The following VAV2 variants were observed in gnomAD, a reference collection of about 807,000 sequenced individuals.
VAV2 encodes the protein vav guanine nucleotide exchange factor 2, also known as guanine nucleotide exchange factor VAV2.
VAV2 carries 67 observed loss-of-function variants against 132.5 expected under a neutral mutation model. The ratio of observed to expected loss-of-function variants is 0.51; its 90% CI spans 0.42 to 0.62. VAV2 has a LOEUF of 0.62. VAV2 is among the 20% of genes least tolerant of loss of function. The pLI is 0.00. For synonymous variants in VAV2, 492 were observed against 443.5 expected (o/e 1.11, Z -1.37); for missense variants, 938 against 1,153.6 (o/e 0.81, Z 2.71).
chr9:133,917,481 T>C (rs1027281011), intron 2 of VAV2, among the ~76,000 whole-genome samples: 2 of 147,584 alleles, frequency 1.4e-5, no homozygotes, highest in Admixed American at 6.7e-5. Context: ...TATTTGTTTA[T>C]CGTTTCTAGT....
chr9:133,871,470 ATGGATGGATGGATG>A (rs1838048030), intron 2 of VAV2, among the ~76,000 whole-genome samples: 5 of 45,964 alleles, frequency 1.1e-4, no homozygotes, highest in East Asian at 1.2e-3. Context: ...GGAGAAGCGG[ATGGATGGATGGATG>A]GATGGATGGA....
At chr9:133,774,048 C>T (rs138344436) in intron 25 of VAV2, among the ~76,000 whole-genome samples, 4 of 152,290 alleles carry the variant, frequency 2.6e-5, no homozygotes, top group East Asian at 1.9e-4. Context: ...ATTATGTGGC[C>T]GATGACTGTA....
In VAV2 at chr9:133,880,694, A is replaced by T. The variant is rs368799055; in HGVS notation, c.322-19262T>A. ...AGTGACAATGTGTCCACACTGGTTCATTCATTGTAACCAAAGCACCAACTA... is the reference window on the plus strand; with the variant it reads ...AGTGACAATGTGTCCACACTGGTTCTTTCATTGTAACCAAAGCACCAACTA... On this transcript the variant is annotated intron_variant, in intron 2 of 29. Transcript: ENST00000371850. Among the ~76,000 whole-genome samples, 43 of 152,356 alleles carry T rather than the reference A, an allele frequency of 2.8e-4. 1 individual carries two copies. The South Asian group carries it at 8.3e-3, about 29-fold the overall frequency.
chr9:133,976,107 A>T (rs2492064), intron 1 of VAV2, among the ~76,000 whole-genome samples: 139,476 of 151,696 alleles, frequency 0.92, 64,177 homozygotes, highest in East Asian at 1. Context: ...CTCGGGAGGC[A>T]GAGGCAGAGA....
Position 133,939,222 on chromosome 9 carries a change from A to G in VAV2, c.205-3T>C. On this transcript the variant is annotated splice_region_variant and splice_polypyrimidine_tract_variant and intron_variant, in intron 1 of 29. Transcript: ENST00000371850. ...CGTATGTTCTTCAAACACAGAAACT[A>G]AAGGGAAAAAACAAAGGGAGGGCAA... 1 of 1,613,630 alleles carries G rather than the reference A, an allele frequency of 6.2e-7. No homozygotes were observed. Among genetic ancestry groups the G allele is most frequent in the Non-Finnish European group, 8.5e-7 (1 of 1,179,510 alleles).
In VAV2 at chr9:133,792,278, G is replaced by GTGACTGT. The variant is rs1307864114; in HGVS notation, c.1102-410_1102-409insACAGTCA. Among the ~76,000 whole-genome samples, 2 of 124,804 alleles carry GTGACTGT rather than the reference G, an allele frequency of 1.6e-5. 1 individual carries two copies. The highest frequency in any genetic ancestry group is 1.7e-4 in the Admixed American group (2 of 11,952). 81.9% of individuals were successfully genotyped at this position (124,804 alleles called of 152,430 possible). A position where few individuals can be genotyped will look rare whatever the true frequency, so the allele number is the denominator to read the frequency against. On this transcript the variant is annotated intron_variant, in intron 12 of 29. Coordinates refer to ENST00000371850, the MANE Select transcript of VAV2 (RefSeq NM_001134398.2). The stretch of plus-strand genomic sequence containing the variant: ...GCGGGCTGTACTGGGTGGGGTGTGT[G>GTGACTGT]GTATGTGAGCGAGCTGTGCTGGGTG...
intron 1 of VAV2, among the ~76,000 whole-genome samples, chr9:133,943,715 C>T (rs1249596494): frequency 6.6e-6 from 1 of 152,212 alleles, no homozygotes; most frequent in Non-Finnish European, 1.5e-5. Flanking sequence ...TCCTGCTCCC[C>T]ACAGCCCCAG....
intron 1 of VAV2, among the ~76,000 whole-genome samples, chr9:133,968,355 A>G (rs539276007): frequency 8.5e-5 from 13 of 152,184 alleles, no homozygotes; most frequent in Non-Finnish European, 1.6e-4. Context: ...CACATACCCC[A>G]TAAACAACGT....
chr9:133,798,857 C>A (rs928501199), intron 9 of VAV2, among the ~76,000 whole-genome samples: 5 of 152,228 alleles, frequency 3.3e-5, no homozygotes, highest in Admixed American at 3.3e-4. Context: ...GTCTGGCCTG[C>A]AAGGCTGGGC....
At chr9:133,910,988 G>C (rs1478576207) in intron 2 of VAV2, among the ~76,000 whole-genome samples, 2 of 152,150 alleles carry the variant, frequency 1.3e-5, no homozygotes, top group African/African-American at 4.8e-5. Flanking sequence ...TGATGGGACA[G>C]AGCCAGAGAT....
intron 6 of VAV2, among the ~76,000 whole-genome samples, chr9:133,809,571 T>C (rs1032490389): frequency 5.3e-5 from 8 of 152,202 alleles, no homozygotes; most frequent in African/African-American, 1.9e-4. Context: ...CTCGGCTCCA[T>C]GCAGACCACA....
intron 2 of VAV2, among the ~76,000 whole-genome samples, chr9:133,871,395 T>C (rs1413852072): frequency 6.9e-6 from 1 of 143,900 alleles, no homozygotes; most frequent in Admixed American, 6.7e-5. Context: ...GATGAATAGA[T>C]GGACGGACGG....
intron 3 of VAV2, among the ~76,000 whole-genome samples, chr9:133,851,302 C>T (rs942848282): frequency 6.6e-6 from 1 of 152,212 alleles, no homozygotes; most frequent in African/African-American, 2.4e-5. Context: ...CACAGAGTGG[C>T]AGCTCCTCCT....
At chr9:133,913,815 T>A (rs1002847020) in intron 2 of VAV2, among the ~76,000 whole-genome samples, 3 of 152,132 alleles carry the variant, frequency 2.0e-5, no homozygotes, top group Non-Finnish European at 2.9e-5. Context: ...GACACTGCCA[T>A]TGGGGGCAGC....
chr9:133,787,207 A>T, intron 16 of VAV2, 39 bp downstream of exon 16: 3 of 1,550,462 alleles, frequency 1.9e-6, no homozygotes, highest in Non-Finnish European at 2.6e-6. Flanking sequence ...GGCTGGGATG[A>T]TTGAGGCAGG....
chr9:133,800,545 A>G (rs1367772893), intron 9 of VAV2, among the ~76,000 whole-genome samples: 2 of 152,190 alleles, frequency 1.3e-5, no homozygotes, highest in Admixed American at 1.3e-4. Context: ...ACTCGGCTTC[A>G]AGCATTTCAG....
intron 29 of VAV2, among the ~76,000 whole-genome samples, chr9:133,767,942 T>G (rs1176704175): frequency 6.6e-6 from 1 of 152,160 alleles, no homozygotes; most frequent in Non-Finnish European, 1.5e-5. Flanking sequence ...CAGGGCACTC[T>G]TAGGCCCACC....
At chr9:133,855,134 C>T (rs1446913463) in intron 3 of VAV2, among the ~76,000 whole-genome samples, 1 of 152,204 alleles carries the variant, frequency 6.6e-6, no homozygotes, top group Non-Finnish European at 1.5e-5. Flanking sequence ...CTACAGGAGC[C>T]ACAGCAATGT....
intron 10 of VAV2, among the ~76,000 whole-genome samples, chr9:133,797,158 AG>A (rs1440671627): frequency 6.6e-6 from 1 of 152,130 alleles, no homozygotes; most frequent in African/African-American, 2.4e-5. Flanking sequence ...AGGGGCTGGG[AG>A]GGGCTCACGT....
Sources: gnomAD v4.1 joint callset for allele counts (sites outside exome capture counted in the v4.1 genomes callset) on GRCh38, gnomAD v4.1.1 for gene constraint, MANE v1.5 for transcripts, NCBI Gene and HGNC (gene_info 2026-07-23, HGNC 2026-07-21) for gene names.